The following USP46 variants were observed in gnomAD, a reference collection of about 807,000 sequenced individuals.
The protein encoded by USP46 is ubiquitin specific peptidase 46, also known as ubiquitin carboxyl-terminal hydrolase 46.
A neutral mutation model predicts 44.4 loss-of-function variants in USP46; 12 were observed. The ratio of observed to expected loss-of-function variants is 0.27; its 90% CI spans 0.17 to 0.44. USP46 has a LOEUF of 0.44. Ranked by LOEUF, USP46 falls within the 20% of genes least tolerant of loss-of-function variation. The pLI, the probability that USP46 is intolerant of heterozygous loss-of-function variation, is 1.00. For synonymous variants in USP46, 155 were observed against 161.5 expected, an observed-to-expected ratio of 0.96 and a Z score of 0.31; for missense variants, 248 against 444.8, an observed-to-expected ratio of 0.56 and a Z score of 3.98.
rs751724099 is a variant in USP46 at position 52,631,127 on chromosome 4, A to G, written c.54T>C (p.Ala18=). 68 of 1,562,636 alleles carry G rather than the reference A, an allele frequency of 4.4e-5. 1 individual carries two copies. The highest frequency in any genetic ancestry group is 5.3e-5 in the Non-Finnish European group (61 of 1,151,574). The part of the protein sequence containing the change: ...SICNMGTNAS[A]LEKDIGPEQF... ...GCTCTGGACCAATGTCTTTTTCCAG[A>G]GCAGAGGCATTGGTGCCCTAAAAGA... Residue 18 remains alanine, a synonymous_variant, in exon 2 of 9, where the codon GCT becomes GCC. Transcript: ENST00000441222.
rs1435493794 is a variant in USP46, at chr4:52,628,445, G to A, written c.118-282C>T. ...ACTCTACCTCAATAAAGAGTCTAAC[G>A]AGACCTGCTGGTGCTTAAAAAACAG... On this transcript the variant is annotated intron_variant, in intron 2 of 8. Transcript: ENST00000441222. 9.0e-5 allele frequency: 28 copies of A among 309,710 alleles called. No homozygotes were observed. In the East Asian group the frequency reaches 1.3e-3, roughly 14 times the overall value. 19.2% of individuals were successfully genotyped at this position (309,710 alleles called of 1,614,324 possible). A position where few individuals can be genotyped will look rare whatever the true frequency, so the allele number is the denominator to read the frequency against.
rs372133776 is a variant in USP46, at chr4:52,597,613, C to A, written c.*27G>T. On this transcript the variant is annotated 3_prime_UTR_variant, in exon 9 of 9. Coordinates refer to ENST00000441222, the MANE Select transcript of USP46 (RefSeq NM_022832.4). Reference sequence around the variant, plus strand: ...GACAGTGCTGTGAACATTCTCCCCACGTGAATCAGTCCCGCAGGTCTTTCA... The same window carrying A: ...GACAGTGCTGTGAACATTCTCCCCAAGTGAATCAGTCCCGCAGGTCTTTCA... 4.7e-6 allele frequency: 7 copies of A among 1,493,888 alleles called. No individual in the cohort carries two copies. Among genetic ancestry groups the A allele is most frequent in the Middle Eastern group, 1.7e-4 (1 of 5,882 alleles). The allele number at this position is 1,493,888 out of a possible 1,614,324, so 92.5% of individuals were successfully genotyped here. A position where few individuals can be genotyped will look rare whatever the true frequency, so the allele number is the denominator to read the frequency against.
intron 1 of USP46, among the ~76,000 whole-genome samples, chr4:52,632,990 A>AAAGAAAGGAAAAGAAAAG: frequency 1.5e-5 from 1 of 66,294 alleles, no homozygotes; most frequent in South Asian, 5.9e-4. Flanking sequence ...GAAAGAAAAG[A>AAAGAAAGGAAAAGAAAAG]AAAGAAAGAA....
chr4:52,604,657 A>C, intron 5 of USP46, 73 bp from the exon 6 acceptor site: 2 of 994,734 alleles, frequency 2.0e-6, no homozygotes, highest in Non-Finnish European at 3.0e-6. Flanking sequence ...AAATCCCTCA[A>C]TTAACCTGTA....
chr4:52,612,689 T>C (rs1027910866), intron 4 of USP46, among the ~76,000 whole-genome samples: 1 of 152,212 alleles, frequency 6.6e-6, no homozygotes, highest in Admixed American at 6.5e-5. Context: ...AAACCCCTAG[T>C]GATCTTGCAG....
In USP46 at chr4:52,627,960, T is replaced by C; in HGVS notation, c.321A>G (p.Arg107=). Residue 107 remains arginine, a synonymous_variant, in exon 3 of 9, where the codon AGA becomes AGG. Coordinates refer to ENST00000441222, the MANE Select transcript of USP46 (RefSeq NM_022832.4). ...IPPKKFISRL[R]KENDLFDNYM... is the part of the protein sequence containing the mutation. ...CTGCATACTACTCACCATTCTCTTT[T>C]CTCAGCCTTGAAATGAACTTCTTTG... is the stretch of plus-strand genomic sequence containing the variant. 6.2e-7 allele frequency: 1 copy of C among 1,613,116 alleles called. No individual in the cohort carries two copies. Among genetic ancestry groups the C allele is most frequent in the East Asian group, 2.2e-5 (1 of 44,874 alleles).
chr4:52,602,180 C>G (rs1175855138), intron 6 of USP46, 126 bp from the exon 7 acceptor site: 1 of 1,063,310 alleles, frequency 9.4e-7, no homozygotes, highest in Non-Finnish European at 1.4e-6. Context: ...AACAACCAAA[C>G]AGTTTGCAAG....
intron 1 of USP46, among the ~76,000 whole-genome samples, chr4:52,639,990 C>T (rs1048364335): frequency 2.0e-5 from 3 of 150,332 alleles, no homozygotes; most frequent in African/African-American, 7.4e-5. Context: ...CTGGTGTGAG[C>T]CATTGTGCCT....
In USP46 at chr4:52,610,588, G is replaced by A. The variant is rs61748750; in HGVS notation, c.591C>T (p.Asp197=). Residue 197 remains aspartate, a synonymous_variant, in exon 5 of 9, where the codon GAC becomes GAT. Coordinates refer to ENST00000441222, the MANE Select transcript of USP46 (RefSeq NM_022832.4). ...TVSSKDEDFL[D]LSVDVEQNTS... ...TATTCTGCTCCACATCAACAGAAAG[G>A]TCAAGAAAATCTTCATCTTTGCTAC... is the stretch of plus-strand genomic sequence containing the variant. The A allele has an allele frequency of 0.023, 37,448 of 1,613,498 alleles. 571 individuals are homozygous for A. Among genetic ancestry groups the A allele is most frequent in the Non-Finnish European group, 0.029 (34,053 of 1,179,550 alleles).
intron 1 of USP46, among the ~76,000 whole-genome samples, chr4:52,644,224 C>T (rs1718453016): frequency 6.6e-6 from 1 of 152,192 alleles, no homozygotes; most frequent in South Asian, 2.1e-4. Flanking sequence ...CAAGTGTTAG[C>T]ATGAGGCAGA....
chr4:52,621,839 G>C (rs1309297647), intron 4 of USP46, among the ~76,000 whole-genome samples: 3 of 152,146 alleles, frequency 2.0e-5, no homozygotes, highest in East Asian at 1.9e-4. Context: ...TAGCAGCACT[G>C]TCTACAAGCC....
intron 1 of USP46, among the ~76,000 whole-genome samples, chr4:52,648,902 ATTC>A (rs1229436660): frequency 6.6e-6 from 1 of 152,238 alleles, no homozygotes; most frequent in African/African-American, 2.4e-5. Flanking sequence ...TACTCTGAGC[ATTC>A]TTTTCTCTTT....
intron 4 of USP46, among the ~76,000 whole-genome samples, chr4:52,623,139 A>T (rs1717440385): frequency 6.6e-6 from 1 of 152,110 alleles, no homozygotes; most frequent in Admixed American, 6.6e-5. Context: ...AGCAGGGAGG[A>T]AGAAAAGTAT....
At chr4:52,629,889 A>G (rs1354468812) in intron 2 of USP46, among the ~76,000 whole-genome samples, 1 of 152,194 alleles carries the variant, frequency 6.6e-6, no homozygotes, top group Non-Finnish European at 1.5e-5. Context: ...AGGGAGTAGC[A>G]CAGGCAGAAT....
intron 1 of USP46, among the ~76,000 whole-genome samples, chr4:52,649,522 G>C (rs567925581): frequency 6.6e-6 from 1 of 152,160 alleles, no homozygotes; most frequent in Non-Finnish European, 1.5e-5. Flanking sequence ...AAATGGTCCC[G>C]AAACCAGCAT....
Position 52,631,114 on chromosome 4 carries a change from T to C in USP46, c.67A>G (p.Ile23Val). The change falls in exon 2 of 9, where the codon ATT becomes GTT. Residue 23 changes from isoleucine (I) to valine (V), a missense_variant. Transcript: ENST00000441222. ...TTGATTGGAAACTGCTCTGGACCAA[T>C]GTCTTTTTCCAGAGCAGAGGCATTG... is the stretch of plus-strand genomic sequence containing the variant. ...GTNASALEKD[I>V]GPEQFPINEH... 6.4e-7 allele frequency: 1 copy of C among 1,566,924 alleles called. No individual in the cohort carries two copies.
intron 1 of USP46, among the ~76,000 whole-genome samples, chr4:52,658,749 G>T (rs1003417048): frequency 1.3e-5 from 2 of 152,200 alleles, no homozygotes; most frequent in South Asian, 4.1e-4. Context: ...CGCAAGAAGA[G>T]GATGGGTGCC....
Position 52,659,029 on chromosome 4 carries a change from G to C in USP46, c.36+86C>G. The C allele has an allele frequency of 6.9e-7, 1 of 1,452,436 alleles. No individual in the cohort carries two copies. The highest frequency in any genetic ancestry group is 1.3e-5 in the South Asian group (1 of 75,326). 90.0% of individuals were successfully genotyped at this position (1,452,436 alleles called of 1,614,324 possible). A position where few individuals can be genotyped will look rare whatever the true frequency, so the allele number is the denominator to read the frequency against. Reference sequence around the variant, plus strand: ...GGACCCCGCCGCCCCCGCCGCCCCAGCCACCGGGCGTGTGTGCAGCTCGGG... The same window carrying C: ...GGACCCCGCCGCCCCCGCCGCCCCACCCACCGGGCGTGTGTGCAGCTCGGG... On this transcript the variant is annotated intron_variant, in intron 1 of 8. Transcript: ENST00000441222. This position sits in a 1 kb window ranked among gnomAD's most constrained non-coding sequence, Gnocchi z 4.2.
chr4:52,602,462 C>T (rs1349677407), intron 6 of USP46, among the ~76,000 whole-genome samples: 3 of 152,166 alleles, frequency 2.0e-5, no homozygotes, highest in Non-Finnish European at 2.9e-5. Flanking sequence ...GTAGATGATG[C>T]CGACTGCTGG....
Sources: gnomAD v4.1 joint callset for allele counts (sites outside exome capture counted in the v4.1 genomes callset) on GRCh38, gnomAD v4.1.1 for gene constraint, Gnocchi (gnomAD v3.1) non-coding constraint, MANE v1.5 for transcripts, NCBI Gene and HGNC (gene_info 2026-07-23, HGNC 2026-07-21) for gene names.